The following DPT variants were observed in gnomAD, a reference collection of about 807,000 sequenced individuals.
DPT encodes dermatopontin, also known as tyrosine-rich acidic matrix protein.
A neutral mutation model predicts 31.2 loss-of-function variants in DPT; 21 were observed. The observed-to-expected ratio is 0.67, with a 90% CI of 0.48 to 0.97. The LOEUF is 0.97. Ranked by LOEUF, DPT falls within the 50% of genes least tolerant of loss-of-function variation. DPT has a pLI of 0.00. For missense variants in DPT, 262 were observed against 258.8 expected (o/e 1.01, Z -0.08); for synonymous variants, 91 against 86.9 (o/e 1.05, Z -0.26).
intron 1 of DPT, among the ~76,000 whole-genome samples, chr1:168,714,607 T>G (rs913314572): frequency 8.5e-5 from 13 of 152,222 alleles, no homozygotes; most frequent in Non-Finnish European, 1.6e-4. Flanking sequence ...TATATATTGT[T>G]AGATGGAAGC....
intron 1 of DPT, among the ~76,000 whole-genome samples, chr1:168,715,175 A>G (rs1037700120): frequency 6.6e-6 from 1 of 152,182 alleles, no homozygotes; most frequent in African/African-American, 2.4e-5. Flanking sequence ...CACAGACAAG[A>G]AATAATTTTT....
At chr1:168,697,978 T>C (rs1333979038) in intron 3 of DPT, among the ~76,000 whole-genome samples, 2 of 152,228 alleles carry the variant, frequency 1.3e-5, no homozygotes, top group African/African-American at 4.8e-5. Flanking sequence ...GAAGAGTTTT[T>C]CCATATTTAA....
chr1:168,722,877 C>T (rs12744728), intron 1 of DPT, among the ~76,000 whole-genome samples: 50,326 of 144,134 alleles, frequency 0.35, 8,824 homozygotes, highest in Middle Eastern at 0.41. Flanking sequence ...CACACACACA[C>T]ACACACGATA....
At chr1:168,722,880 ACACG>A (rs1454647046) in intron 1 of DPT, among the ~76,000 whole-genome samples, 1 of 135,920 alleles carries the variant, frequency 7.4e-6, no homozygotes, top group South Asian at 2.5e-4. Context: ...ACACACACAC[ACACG>A]ATATCTTAAC....
Position 168,729,183 on chromosome 1 carries a change from G to A in DPT, c.-9C>T. 1.2e-6 allele frequency: 2 copies of A among 1,608,832 alleles called. No homozygotes were observed. Among genetic ancestry groups the A allele is most frequent in the Non-Finnish European group, 1.7e-6 (2 of 1,176,720 alleles). ...AGAAGACTGAGGTCCATGCTGCCTG[G>A]GATTTTGGCAAACAATGTCACTCTA... On this transcript the variant is annotated 5_prime_UTR_variant, in exon 1 of 4. Coordinates refer to ENST00000367817, the MANE Select transcript of DPT (RefSeq NM_001937.5).
At position 168,696,168 on chromosome 1, in the gene DPT, T is replaced by G; in HGVS notation, c.*381A>C. 1 of 419,218 alleles carries G rather than the reference T, an allele frequency of 2.4e-6. No homozygotes were observed. The allele number at this position is 419,218 out of a possible 1,614,324, so 26.0% of individuals were successfully genotyped here. On this transcript the variant is annotated 3_prime_UTR_variant, in exon 4 of 4. Transcript: ENST00000367817. ...AACCTTCACTGCACCTCTCCTCCAG[T>G]TCTGCCTCTCCCCTCCACTATGCTG...
intron 1 of DPT, among the ~76,000 whole-genome samples, chr1:168,716,210 T>C (rs1649984539): frequency 6.6e-6 from 1 of 152,228 alleles, no homozygotes; most frequent in Non-Finnish European, 1.5e-5. Flanking sequence ...CTAATGTATA[T>C]AATTCAAATA....
intron 2 of DPT, among the ~76,000 whole-genome samples, chr1:168,704,521 C>G (rs1306231348): frequency 3.9e-5 from 6 of 152,156 alleles, no homozygotes; most frequent in African/African-American, 1.4e-4. Context: ...CACTCCAGCC[C>G]GGGCGACAGA....
chr1:168,712,989 T>A (rs910039255), intron 2 of DPT, among the ~76,000 whole-genome samples: 1 of 151,854 alleles, frequency 6.6e-6, no homozygotes, highest in African/African-American at 2.4e-5. Context: ...CCTGCAGAGT[T>A]ATGAGAGGGA....
chr1:168,716,420 A>C (rs542056211), intron 1 of DPT, among the ~76,000 whole-genome samples: 1 of 151,994 alleles, frequency 6.6e-6, no homozygotes, highest in Non-Finnish European at 1.5e-5. Context: ...AAACTCAGCT[A>C]TAGGGGCTCA....
At chr1:168,713,079 C>T (rs1179238332) in intron 2 of DPT, among the ~76,000 whole-genome samples, 4 of 152,018 alleles carry the variant, frequency 2.6e-5, no homozygotes, top group Non-Finnish European at 5.9e-5. Flanking sequence ...TTTCTTTTTG[C>T]CCAAACTGGT....
intron 3 of DPT, among the ~76,000 whole-genome samples, chr1:168,699,235 C>A (rs1426621632): frequency 6.6e-6 from 1 of 152,138 alleles, no homozygotes; most frequent in African/African-American, 2.4e-5. Flanking sequence ...GCATTGAGCA[C>A]CCCTGTTATT....
chr1:168,719,938 C>T (rs907477112), intron 1 of DPT, among the ~76,000 whole-genome samples: 1 of 152,122 alleles, frequency 6.6e-6, no homozygotes, highest in African/African-American at 2.4e-5. Context: ...TCTGAAAACA[C>T]ATTTGTGAAC....
intron 1 of DPT, among the ~76,000 whole-genome samples, chr1:168,725,778 C>A (rs1173832484): frequency 6.6e-6 from 1 of 152,158 alleles, no homozygotes; most frequent in East Asian, 1.9e-4. Flanking sequence ...GAAAGATTTT[C>A]TTTTTAGCAG....
At chr1:168,698,836 G>A (rs141700313) in intron 3 of DPT, among the ~76,000 whole-genome samples, 1 of 152,274 alleles carries the variant, frequency 6.6e-6, no homozygotes, top group Non-Finnish European at 1.5e-5. Flanking sequence ...GTCCTGCCCT[G>A]ACAATAGTTC....
At position 168,729,153 on chromosome 1, in the gene DPT, C is replaced by T. The variant is rs532659905; in HGVS notation, c.22G>A (p.Val8Ile). The change falls in exon 1 of 4, where the codon GTA becomes ATA. Residue 8 changes from valine to isoleucine, a missense_variant. Transcript: ENST00000367817. MDLSLLW[V>I]LLPLVTMAWG... ...GCCATGGTGACTAGGGGCAGAAGTACCCAGAGAAGACTGAGGTCCATGCTG... is the reference window on the plus strand; with the variant it reads ...GCCATGGTGACTAGGGGCAGAAGTATCCAGAGAAGACTGAGGTCCATGCTG... 14 of 1,613,798 alleles carry T rather than the reference C, an allele frequency of 8.7e-6. No homozygotes were observed. The highest frequency in any genetic ancestry group is 2.2e-5 in the East Asian group (1 of 44,864).
intron 2 of DPT, among the ~76,000 whole-genome samples, chr1:168,706,352 A>T (rs763504281): frequency 1.2e-4 from 18 of 152,248 alleles, no homozygotes; most frequent in Non-Finnish European, 1.8e-4. Flanking sequence ...CAGTCTGTTC[A>T]TGATCAATCC....
At chr1:168,723,400 A>G (rs1650165870) in intron 1 of DPT, among the ~76,000 whole-genome samples, 1 of 152,220 alleles carries the variant, frequency 6.6e-6, no homozygotes, top group African/African-American at 2.4e-5. Flanking sequence ...ACTGTATGTT[A>G]TTCATCTCCA....
intron 1 of DPT, among the ~76,000 whole-genome samples, chr1:168,722,896 C>A: frequency 6.6e-6 from 1 of 151,798 alleles, no homozygotes; most frequent in East Asian, 1.9e-4. Context: ...TATCTTAACT[C>A]TGCAGAAATC....
Sources: allele counts gnomAD v4.1 joint callset (sites outside exome capture counted in the v4.1 genomes callset), GRCh38; gene constraint gnomAD v4.1.1; transcripts MANE v1.5; gene names NCBI Gene and HGNC (gene_info 2026-07-23, HGNC 2026-07-21).